Variants in PRKN observed in about 807,000 individuals in gnomAD.
PRKN encodes parkin RBR E3 ubiquitin protein ligase, also known as E3 ubiquitin-protein ligase parkin.
Under a neutral mutation model 59.5 loss-of-function variants are expected in PRKN, and 56 were observed. That is an observed-to-expected ratio of 0.94 (90% CI 0.76 to 1.18). The LOEUF is 1.18. Ranked by LOEUF, PRKN falls within the 50% of genes most tolerant of loss-of-function variation. The pLI is 0.00. For synonymous variants in PRKN, 250 were observed against 222.1 expected (o/e 1.13, Z -1.12); for missense variants, 657 against 596.4 (o/e 1.10, Z -1.06).
At chr6:162,615,542 C>A (rs1403133176) in intron 1 of PRKN, among the ~76,000 whole-genome samples, 1 of 152,112 alleles carries the variant, frequency 6.6e-6, no homozygotes, top group Admixed American at 6.6e-5. Flanking sequence ...GTCTCTGATG[C>A]AATGCACATG....
intron 7 of PRKN, among the ~76,000 whole-genome samples, chr6:161,570,823 C>T (rs948839743): frequency 2.0e-5 from 3 of 152,122 alleles, no homozygotes; most frequent in African/African-American, 7.2e-5. Context: ...TCACATTGTT[C>T]GAGGCCCAAA....
chr6:161,851,489 G>T (rs1562336902), intron 6 of PRKN, among the ~76,000 whole-genome samples: 1 of 147,492 alleles, frequency 6.8e-6, no homozygotes, highest in African/African-American at 2.5e-5. Flanking sequence ...TGTTTTGTTT[G>T]TTTTTTTTTT....
At chr6:161,436,727 G>A (rs1442970589) in intron 9 of PRKN, among the ~76,000 whole-genome samples, 1 of 152,038 alleles carries the variant, frequency 6.6e-6, no homozygotes, top group Non-Finnish European at 1.5e-5. Context: ...TTGCAGGCAT[G>A]TCTATACACA....
At position 161,399,111 on chromosome 6, in the gene PRKN, T is replaced by C. The variant is rs1427072905; in HGVS notation, c.1084-12234A>G. Among the ~76,000 whole-genome samples, 3 of 152,120 alleles carry C rather than the reference T, an allele frequency of 2.0e-5. No individual in the cohort carries two copies. The East Asian group carries it at 5.8e-4, about 29-fold the overall frequency. ...CGAGAGGAGTTCTGCTGCAGACAGT[T>C]AGAGAGGAGATTGGCTGCTGGACGG... On this transcript the variant is annotated intron_variant, in intron 9 of 11. Transcript: ENST00000366898. The surrounding 1 kb of genome is among the most constrained non-coding windows in gnomAD (Gnocchi z 4.4).
intron 5 of PRKN, among the ~76,000 whole-genome samples, chr6:161,998,226 T>C (rs534377954): frequency 1.3e-5 from 2 of 152,190 alleles, no homozygotes; most frequent in Admixed American, 1.3e-4. Flanking sequence ...AATAATGAGT[T>C]GACTATTTTC....
chr6:162,467,142 C>T (rs377103916), intron 1 of PRKN, among the ~76,000 whole-genome samples: 85 of 152,246 alleles, frequency 5.6e-4, no homozygotes, highest in Admixed American at 1.7e-3. Context: ...AAAAATCACA[C>T]GTAATCAATC....
At chr6:162,590,752 A>G (rs1302244610) in intron 1 of PRKN, among the ~76,000 whole-genome samples, 1 of 152,198 alleles carries the variant, frequency 6.6e-6, no homozygotes, top group Non-Finnish European at 1.5e-5. Flanking sequence ...ATACTTTTTT[A>G]TTATGAGTGA....
intron 6 of PRKN, among the ~76,000 whole-genome samples, chr6:161,847,106 G>A (rs1457583958): frequency 6.6e-6 from 1 of 152,116 alleles, no homozygotes; most frequent in Non-Finnish European, 1.5e-5. Context: ...TCAAGAGATC[G>A]AGATCATCCT....
intron 9 of PRKN, among the ~76,000 whole-genome samples, chr6:161,486,025 T>A (rs1270212396): frequency 2.0e-5 from 3 of 152,140 alleles, no homozygotes; most frequent in African/African-American, 7.2e-5. Context: ...AGATGTTTAC[T>A]TTTTAGCAAA....
intron 4 of PRKN, among the ~76,000 whole-genome samples, chr6:162,119,556 C>T (rs1780818707): frequency 2.6e-5 from 4 of 152,238 alleles, no homozygotes; most frequent in South Asian, 4.1e-4. Context: ...TGTCTGCTTG[C>T]GGTTTGTGTC....
At chr6:162,172,015 C>T (rs951820005) in intron 4 of PRKN, among the ~76,000 whole-genome samples, 10 of 152,186 alleles carry the variant, frequency 6.6e-5, no homozygotes, top group Non-Finnish European at 2.9e-5. Flanking sequence ...CTCACAGCAA[C>T]TCCAAGAGGC....
At position 161,545,107 on chromosome 6, in the gene PRKN, A is replaced by G. The variant is rs1205618558; in HGVS notation, c.1083+3747T>C. The G allele has an allele frequency of 5.7e-6, 7 of 1,227,922 alleles. No individual in the cohort carries two copies. Among genetic ancestry groups the G allele is most frequent in the Non-Finnish European group, 5.1e-6 (5 of 974,888 alleles). The allele number at this position is 1,227,922 out of a possible 1,614,324, so 76.1% of individuals were successfully genotyped here. A position where few individuals can be genotyped will look rare whatever the true frequency, so the allele number is the denominator to read the frequency against. ...AACAATTTTAAATCCCACAAATGAC[A>G]GAGAATTTGGTTTTCAACTTTTTTA... On this transcript the variant is annotated intron_variant, in intron 9 of 11. Coordinates refer to ENST00000366898, the MANE Select transcript of PRKN (RefSeq NM_004562.3). The surrounding 1 kb of genome is among the most constrained non-coding windows in gnomAD (Gnocchi z 4.1).
At chr6:161,839,714 AGAG>A (rs1485064737) in intron 6 of PRKN, among the ~76,000 whole-genome samples, 1 of 152,230 alleles carries the variant, frequency 6.6e-6, no homozygotes, top group Non-Finnish European at 1.5e-5. Flanking sequence ...TCTGGGATTC[AGAG>A]GAGGCAGCTT....
rs190476326 is a variant in PRKN at position 162,327,372 on chromosome 6, A to G, written c.172-64607T>C. Among the ~76,000 whole-genome samples the G allele has an allele frequency of 4.9e-4, 74 of 152,282 alleles. No individual in the cohort carries two copies. The East Asian group carries it at 0.013, about 27-fold the overall frequency. On this transcript the variant is annotated intron_variant, in intron 2 of 11. Transcript: ENST00000366898. ...ATTTTTTATTTTTGTTTTTTGAAAA[A>G]AGACATGAGCAATCTGATTTTCTTT...
chr6:161,457,052 C>G lies in PRKN; in HGVS notation c.1084-70175G>C, dbSNP rs939593749. Among the ~76,000 whole-genome samples the G allele has an allele frequency of 1.4e-4, 22 of 152,212 alleles. No homozygotes were observed. Among genetic ancestry groups the G allele is most frequent in the African/African-American group, 5.1e-4 (21 of 41,460 alleles). On this transcript the variant is annotated intron_variant, in intron 9 of 11. Transcript: ENST00000366898. The surrounding 1 kb of genome is among the most constrained non-coding windows in gnomAD (Gnocchi z 5.0). ...CGGTGTGAGAGCAAGGCTGAATAGTCCAACTTCCTCCTTTAACAAATATCC... is the reference window on the plus strand; with the variant it reads ...CGGTGTGAGAGCAAGGCTGAATAGTGCAACTTCCTCCTTTAACAAATATCC...
At chr6:161,727,965 T>A (rs1787515153) in intron 7 of PRKN, among the ~76,000 whole-genome samples, 1 of 152,174 alleles carries the variant, frequency 6.6e-6, no homozygotes, top group African/African-American at 2.4e-5. Context: ...AAACAGATTT[T>A]AAAAATTAAT....
intron 5 of PRKN, among the ~76,000 whole-genome samples, chr6:162,041,152 T>G (rs539721264): frequency 6.6e-6 from 1 of 152,042 alleles, no homozygotes; most frequent in African/African-American, 2.4e-5. Context: ...ACCACTGCCC[T>G]CCAGCCTAGG....
At chr6:161,416,690 T>C (rs2115018349) in intron 9 of PRKN, among the ~76,000 whole-genome samples, 1 of 152,284 alleles carries the variant, frequency 6.6e-6, no homozygotes, top group Non-Finnish European at 1.5e-5. Flanking sequence ...AAAGGCAAGC[T>C]ACCAGCTTTT....
At chr6:162,645,868 C>CTTTTTTT (rs751656108) in intron 1 of PRKN, among the ~76,000 whole-genome samples, 14 of 121,136 alleles carry the variant, frequency 1.2e-4, no homozygotes, top group Non-Finnish European at 1.9e-4. Flanking sequence ...TAAACTTTCT[C>CTTTTTTT]TTTTTTTTTT....
Sources: allele counts gnomAD v4.1 joint callset (sites outside exome capture counted in the v4.1 genomes callset), GRCh38; gene constraint gnomAD v4.1.1; non-coding constraint Gnocchi (gnomAD v3.1); transcripts MANE v1.5; gene names NCBI Gene and HGNC (gene_info 2026-07-23, HGNC 2026-07-21).